TENM4: variants seen among roughly 807,000 people sequenced by gnomAD.
TENM4 encodes the protein teneurin transmembrane protein 4, also known as teneurin-4.
In TENM4, 82 loss-of-function variants were observed where a neutral mutation model predicts 243.3. The observed-to-expected ratio is 0.34, with a 90% CI of 0.28 to 0.40. TENM4 has a LOEUF of 0.40. Ranked by LOEUF, TENM4 falls within the 10% of genes least tolerant of loss-of-function variation. TENM4 has a pLI of 1.00. For synonymous variants in TENM4, 1,412 were observed against 1,456.3 expected (o/e 0.97, Z 0.69); for missense variants, 3,138 against 3,673.3 (o/e 0.85, Z 3.77).
chr11:79,433,843 A>G (rs553260092), intron 1 of TENM4, among the ~76,000 whole-genome samples: 41 of 152,260 alleles, frequency 2.7e-4, no homozygotes, highest in Non-Finnish European at 4.3e-4. Flanking sequence ...CTAGAGTGGC[A>G]TAAGTATCAA....
chr11:79,272,335 C>T (rs1855981868), intron 2 of TENM4, among the ~76,000 whole-genome samples: 1 of 151,908 alleles, frequency 6.6e-6, no homozygotes, highest in Non-Finnish European at 1.5e-5. Flanking sequence ...CTAGTAGCCA[C>T]ATTTAAAAAG....
At chr11:79,145,107 A>G (rs528226914) in intron 4 of TENM4, among the ~76,000 whole-genome samples, 1 of 152,164 alleles carries the variant, frequency 6.6e-6, no homozygotes, top group East Asian at 1.9e-4. Context: ...TAAAAAAGAA[A>G]TACATTTCAT....
At chr11:79,408,440 T>A (rs570922051) in intron 1 of TENM4, among the ~76,000 whole-genome samples, 120 of 152,334 alleles carry the variant, frequency 7.9e-4, no homozygotes, top group Admixed American at 3.7e-3. Flanking sequence ...TTGCTTTATG[T>A]GCAAGTCACA....
chr11:78,669,350 G>C lies in TENM4; in HGVS notation c.6995C>G (p.Ser2332Cys), dbSNP rs1264312973. 16 of 1,613,824 alleles carry C rather than the reference G, an allele frequency of 9.9e-6. No individual in the cohort carries two copies. Among genetic ancestry groups the C allele is most frequent in the Non-Finnish European group, 1.4e-5 (16 of 1,179,804 alleles). ...KVTHLYNHSS[S>C]EITSLYYDLQ... ...GTCGTAGTAGAGGGAGGTGATCTCA[G>C]AGCTGGAGTGGTTGTACAGGTGGGT... The change falls in exon 32 of 34, where the codon TCT becomes TGT. Residue 2332 changes from serine to cysteine, a missense_variant. Ser to Cys is a moderately radical substitution (Grantham distance 112). Transcript: ENST00000278550. The surrounding 1 kb of genome is among the most constrained non-coding windows in gnomAD (Gnocchi z 6.4).
intron 6 of TENM4, among the ~76,000 whole-genome samples, chr11:79,060,355 C>T (rs1428193570): frequency 6.6e-6 from 1 of 152,200 alleles, no homozygotes; most frequent in Non-Finnish European, 1.5e-5. Flanking sequence ...TGACATTAAC[C>T]TTCAGGGGCA....
intron 4 of TENM4, among the ~76,000 whole-genome samples, chr11:79,090,980 C>A (rs1860933266): frequency 6.6e-6 from 1 of 152,080 alleles, no homozygotes; most frequent in African/African-American, 2.4e-5. Context: ...GTCAGGCTGG[C>A]TTTTTGGGGT....
intron 1 of TENM4, among the ~76,000 whole-genome samples, chr11:79,331,718 C>T (rs1857064664): frequency 6.6e-6 from 1 of 152,206 alleles, no homozygotes; most frequent in Admixed American, 6.5e-5. Context: ...TATAAATTGT[C>T]AAGCCTAATG....
intron 9 of TENM4, among the ~76,000 whole-genome samples, chr11:78,876,190 C>T (rs545416330): frequency 3.9e-5 from 6 of 152,296 alleles, no homozygotes; most frequent in African/African-American, 1.4e-4. Flanking sequence ...ATAGAGAGTG[C>T]ATTGACTGCT....
chr11:79,206,797 C>T (rs1863856744), intron 3 of TENM4, among the ~76,000 whole-genome samples: 1 of 152,124 alleles, frequency 6.6e-6, no homozygotes, highest in Non-Finnish European at 1.5e-5. Context: ...TTCTTGTTTC[C>T]AGTTTCAGGT....
At chr11:79,003,791 G>A (rs1858399652) in intron 6 of TENM4, among the ~76,000 whole-genome samples, 1 of 152,028 alleles carries the variant, frequency 6.6e-6, no homozygotes, top group South Asian at 2.1e-4. Context: ...AATAAAGTCT[G>A]CATAATAACC....
At chr11:78,702,520 A>G in intron 27 of TENM4, 117 bp from the exon 28 acceptor site, 1 of 1,211,878 alleles carries the variant, frequency 8.3e-7, no homozygotes, top group South Asian at 1.5e-5. Flanking sequence ...GTCTTGCTTG[A>G]TCCTCATGCA....
Position 78,705,402 on chromosome 11 carries a change from G to A in TENM4, c.4209+2959C>T, listed in dbSNP as rs1026802034. ...AAGGAGAAGGGGCATTGCTCTTGGA[G>A]TCAGTCCTCACTCTGTCACACTGCC... On this transcript the variant is annotated intron_variant, in intron 27 of 33. Coordinates refer to ENST00000278550, the MANE Select transcript of TENM4 (RefSeq NM_001098816.3). 3.3e-5 allele frequency among the ~76,000 whole-genome samples: 5 copies of A among 152,178 alleles called. No individual in the cohort carries two copies. In the South Asian group the frequency reaches 1.0e-3, roughly 32 times the overall value.
chr11:79,327,986 C>T (rs1033655239), intron 1 of TENM4, among the ~76,000 whole-genome samples: 15 of 152,180 alleles, frequency 9.9e-5, no homozygotes, highest in African/African-American at 3.1e-4. Flanking sequence ...CCTTCTGCCA[C>T]CTTAAGGGAC....
intron 23 of TENM4, among the ~76,000 whole-genome samples, chr11:78,723,586 C>T (rs987706295): frequency 3.3e-5 from 5 of 152,266 alleles, no homozygotes; most frequent in Non-Finnish European, 7.3e-5. Flanking sequence ...TTTAACTGCC[C>T]TTGGGCCTGT....
intron 15 of TENM4, among the ~76,000 whole-genome samples, chr11:78,794,041 G>A (rs115269337): frequency 0.014 from 2,123 of 152,154 alleles, 46 homozygotes; most frequent in African/African-American, 0.048. Context: ...CTGTTTATCC[G>A]TCTGTTCATC....
At chr11:78,920,789 C>T (rs1242197994) in intron 6 of TENM4, among the ~76,000 whole-genome samples, 2 of 152,190 alleles carry the variant, frequency 1.3e-5, no homozygotes, top group Non-Finnish European at 2.9e-5. Context: ...GCAAATCAGG[C>T]AGAATAATTC....
At chr11:78,731,126 G>A (rs1245880943) in intron 21 of TENM4, among the ~76,000 whole-genome samples, 1 of 152,148 alleles carries the variant, frequency 6.6e-6, no homozygotes, top group African/African-American at 2.4e-5. Flanking sequence ...CCCAGCTCAG[G>A]GAGCACTGTA....
chr11:79,328,020 G>A (rs1857001646), intron 1 of TENM4, among the ~76,000 whole-genome samples: 1 of 152,166 alleles, frequency 6.6e-6, no homozygotes, highest in Non-Finnish European at 1.5e-5. Context: ...AGCATGGGGA[G>A]ATTATTTGAA....
chr11:78,928,906 G>A (rs1006168579), intron 6 of TENM4, among the ~76,000 whole-genome samples: 1 of 152,196 alleles, frequency 6.6e-6, no homozygotes, highest in African/African-American at 2.4e-5. Flanking sequence ...CTGTGAAGGT[G>A]GCATGAGCCA....
Sources: gnomAD v4.1 joint callset for allele counts (sites outside exome capture counted in the v4.1 genomes callset) on GRCh38, gnomAD v4.1.1 for gene constraint, Gnocchi (gnomAD v3.1) non-coding constraint, MANE v1.5 for transcripts, NCBI Gene and HGNC (gene_info 2026-07-23, HGNC 2026-07-21) for gene names.